SPTLC1: variants seen among roughly 807,000 people sequenced by gnomAD.
The protein encoded by SPTLC1 is serine palmitoyltransferase long chain base subunit 1.
SPTLC1 carries 55 observed loss-of-function variants against 68.9 expected under a neutral mutation model. The ratio of observed to expected loss-of-function variants is 0.80; its 90% CI spans 0.64 to 1.00. The LOEUF (loss-of-function observed/expected upper bound fraction) is 1.00. SPTLC1 is among the 50% of genes least tolerant of loss of function. The pLI is 0.00. For synonymous variants in SPTLC1, 197 were observed against 201.6 expected, an observed-to-expected ratio of 0.98 and a Z score of 0.19; for missense variants, 449 against 573.1, an observed-to-expected ratio of 0.78 and a Z score of 2.21.
chr9:92,079,546 C>T, intron 5 of SPTLC1: 1 of 1,613,682 alleles, frequency 6.2e-7, no homozygotes, highest in Middle Eastern at 1.6e-4. Flanking sequence ...ACAAGGAAAT[C>T]AATGATCCTT....
intron 13 of SPTLC1, among the ~76,000 whole-genome samples, chr9:92,037,812 G>T (rs1231557019): frequency 6.6e-6 from 1 of 152,178 alleles, no homozygotes; most frequent in Non-Finnish European, 1.5e-5. Flanking sequence ...ACTGTGAGTG[G>T]ACTGTCCCTG....
intron 1 of SPTLC1, among the ~76,000 whole-genome samples, chr9:92,114,034 G>A (rs1055351589): frequency 3.9e-5 from 6 of 152,116 alleles, no homozygotes; most frequent in Non-Finnish European, 8.8e-5. Flanking sequence ...AGCACTTTGG[G>A]AGGCCAAAGC....
At chr9:92,078,649 C>T (rs80298354) in intron 5 of SPTLC1, among the ~76,000 whole-genome samples, 5,173 of 152,288 alleles carry the variant, frequency 0.034, 157 homozygotes, top group South Asian at 0.11. Context: ...AACACGGGGT[C>T]TCACTACATT....
intron 3 of SPTLC1, among the ~76,000 whole-genome samples, chr9:92,095,842 G>A (rs12341791): frequency 0.11 from 16,405 of 152,170 alleles, 1,910 homozygotes; most frequent in African/African-American, 0.3. Flanking sequence ...AAGCAGCAAC[G>A]CCTGAAACAT....
chr9:92,036,072 TG>T (rs1833129621), intron 13 of SPTLC1, among the ~76,000 whole-genome samples: 1 of 151,928 alleles, frequency 6.6e-6, no homozygotes, highest in Admixed American at 6.6e-5. Context: ...ATGAGGGGAG[TG>T]GAACAAAAGA....
intron 3 of SPTLC1, chr9:92,105,415 G>A: frequency 6.8e-7 from 1 of 1,476,352 alleles, no homozygotes; most frequent in Middle Eastern, 2.3e-4. Context: ...GGAGAAAGAA[G>A]AGACAGCAGG....
In SPTLC1 at chr9:92,091,392, G is replaced by C. The variant is rs547594273; in HGVS notation, c.261-10429C>G. On this transcript the variant is annotated intron_variant, in intron 3 of 14. Coordinates refer to ENST00000262554, the MANE Select transcript of SPTLC1 (RefSeq NM_006415.4). ...AGTTATGCATCCAAGTATTCAGACA[G>C]ACGTGAAAATGACAGACTTTAAACA... 9.3e-4 allele frequency among the ~76,000 whole-genome samples: 142 copies of C among 152,314 alleles called. 1 individual carries two copies. Among genetic ancestry groups the C allele is most frequent in the South Asian group, 6.4e-3 (31 of 4,820 alleles).
At chr9:92,072,580 T>TC (rs1834534638) in intron 5 of SPTLC1, among the ~76,000 whole-genome samples, 1 of 152,004 alleles carries the variant, frequency 6.6e-6, no homozygotes, top group Non-Finnish European at 1.5e-5. Context: ...CCTCCCACCC[T>TC]CCATCTTCCC....
At chr9:92,076,823 T>C (rs58129324) in intron 5 of SPTLC1, 46,583 of 152,108 alleles carry the variant, frequency 0.31, 9,664 homozygotes, top group African/African-American at 0.58. Flanking sequence ...GACACCTTCA[T>C]CAGATGGGTT....
At chr9:92,091,178 C>T (rs1835348620) in intron 3 of SPTLC1, among the ~76,000 whole-genome samples, 1 of 152,158 alleles carries the variant, frequency 6.6e-6, no homozygotes. Flanking sequence ...AGATATTGTA[C>T]TTATTTCCCA....
chr9:92,103,283 T>A (rs1169831725), intron 3 of SPTLC1, among the ~76,000 whole-genome samples: 1 of 152,218 alleles, frequency 6.6e-6, no homozygotes, highest in Non-Finnish European at 1.5e-5. Flanking sequence ...CAACTGGTAG[T>A]TCCTGCCCTA....
At chr9:92,034,758 T>C (rs16908102) in intron 14 of SPTLC1, 52 bp downstream of exon 14, 63,801 of 1,479,680 alleles carry the variant, frequency 0.043, 1,641 homozygotes, top group Non-Finnish European at 0.051. Context: ...ACGTATTTCA[T>C]AGAGCTCAGA....
chr9:92,032,387 G>T lies in SPTLC1; in HGVS notation c.*78C>A, dbSNP rs1131864. ...ATCCACATGTTCTTGCTCTCTTTCA[G>T]GCCACTCCATGGCCAGCGGGAGTCT... On this transcript the variant is annotated 3_prime_UTR_variant, in exon 15 of 15. Transcript: ENST00000262554. The T allele has an allele frequency of 1.2e-6, 2 of 1,609,876 alleles. No individual in the cohort carries two copies. The highest frequency in any genetic ancestry group is 4.5e-5 in the East Asian group (2 of 44,756).
At chr9:92,057,105 T>C (rs745672787) in intron 7 of SPTLC1, among the ~76,000 whole-genome samples, 1 of 152,232 alleles carries the variant, frequency 6.6e-6, no homozygotes, top group Admixed American at 6.5e-5. Context: ...ACATATAAAT[T>C]ACTTTGTTCA....
At chr9:92,050,438 GC>G in intron 8 of SPTLC1, 1 of 284,342 alleles carries the variant, frequency 3.5e-6, no homozygotes. Context: ...ATTTAGAGTC[GC>G]CCCCAAGTGT....
At chr9:92,089,903 C>T (rs1484883544) in intron 3 of SPTLC1, among the ~76,000 whole-genome samples, 1 of 152,182 alleles carries the variant, frequency 6.6e-6, no homozygotes, top group Non-Finnish European at 1.5e-5. Context: ...CCCCATAACA[C>T]AGGCCAGGCC....
At position 92,104,640 on chromosome 9, in the gene SPTLC1, C is replaced by T. The variant is rs1275388875; in HGVS notation, c.260+4100G>A. On this transcript the variant is annotated intron_variant, in intron 3 of 14. Transcript: ENST00000262554. ...GAGCAGGTGATCCCAGCCAGGCTCC[C>T]GAAGATGGAGGTGAGGGCAGAAGAG... 4.0e-6 allele frequency: 6 copies of T among 1,500,806 alleles called. No individual in the cohort carries two copies. The African/African-American group carries it at 5.5e-5, about 14-fold the overall frequency. 93.0% of individuals were successfully genotyped at this position (1,500,806 alleles called of 1,614,324 possible).
At chr9:92,060,685 T>A (rs1270183187) in intron 6 of SPTLC1, among the ~76,000 whole-genome samples, 1 of 149,078 alleles carries the variant, frequency 6.7e-6, no homozygotes, top group African/African-American at 2.5e-5. Context: ...GGCGGGTGGA[T>A]CACGAGGTCA....
At position 92,080,108 on chromosome 9, in the gene SPTLC1, T is replaced by C. The variant is rs1482297899; in HGVS notation, c.355-20A>G. On this transcript the variant is annotated intron_variant, in intron 4 of 14. Coordinates refer to ENST00000262554, the MANE Select transcript of SPTLC1 (RefSeq NM_006415.4). ...TGCTGCCTTTATTGAAGTACAAGAA[T>C]TATACTTTAATAATTTATCTTTAAG... 1.3e-6 allele frequency: 2 copies of C among 1,594,074 alleles called. No homozygotes were observed. Among genetic ancestry groups the C allele is most frequent in the Non-Finnish European group, 8.6e-7 (1 of 1,162,822 alleles).
Sources: allele counts gnomAD v4.1 joint callset (sites outside exome capture counted in the v4.1 genomes callset), GRCh38; gene constraint gnomAD v4.1.1; transcripts MANE v1.5; gene names NCBI Gene and HGNC (gene_info 2026-07-23, HGNC 2026-07-21).